Variants in MASP1 observed in about 807,000 individuals in gnomAD.
MASP1 encodes MBL associated serine protease 1.
A neutral mutation model predicts 77.1 loss-of-function variants in MASP1; 59 were observed. The ratio of observed to expected loss-of-function variants is 0.77; its 90% CI spans 0.62 to 0.95. MASP1 has a LOEUF of 0.95. MASP1 is among the 40% of genes least tolerant of loss of function. The pLI is 0.00. For missense variants in MASP1, 885 were observed against 912.9 expected (o/e 0.97, Z 0.39); for synonymous variants, 362 against 354.5 (o/e 1.02, Z -0.24).
At chr3:187,251,526 T>G (rs1309237822) in intron 7 of MASP1, 108 bp downstream of exon 7, 1 of 885,094 alleles carries the variant, frequency 1.1e-6, no homozygotes, top group Non-Finnish European at 1.9e-6. Flanking sequence ...TAGGAAATTC[T>G]GTGCTGGAAC....
At chr3:187,256,550 A>G (rs893205930) in intron 5 of MASP1, 114 bp downstream of exon 5, 26 of 934,082 alleles carry the variant, frequency 2.8e-5, no homozygotes, top group Non-Finnish European at 4.3e-5. Flanking sequence ...TTGAGGAACT[A>G]GCTGCTAGGC....
At chr3:187,232,714 GTACCTCAGTACCTCAA>G (rs1451266290), downstream of MASP1, among the ~76,000 whole-genome samples, 7 of 152,044 alleles carry the variant, frequency 4.6e-5, no homozygotes, top group Admixed American at 1.3e-4. Context: ...CACAACCTCA[GTACCTCAGTACCTCAA>G]TACCTCAGTA....
intron 2 of MASP1, among the ~76,000 whole-genome samples, chr3:187,270,184 G>C (rs72549280): frequency 4.2e-3 from 637 of 152,278 alleles, no homozygotes; most frequent in Non-Finnish European, 6.2e-3. Context: ...CCAAATTTAG[G>C]CCTCAAGGGA....
intron 2 of MASP1, among the ~76,000 whole-genome samples, chr3:187,267,882 T>G (rs1716173230): frequency 7.0e-6 from 1 of 143,858 alleles, no homozygotes. Context: ...CATTTCCAAC[T>G]TTTACTTGCC....
chr3:187,285,596 T>G lies in MASP1; in HGVS notation c.237+229A>C, dbSNP rs138267444. On this transcript the variant is annotated intron_variant, in intron 2 of 10. Transcript: ENST00000296280. ...GAGAACAGGAAGAAAGAAGGGATGT[T>G]GTGTTGGGCTGAGTCATACTCTATC... 3.9e-4 allele frequency among the ~76,000 whole-genome samples: 59 copies of G among 152,152 alleles called. No individual in the cohort carries two copies. In the Middle Eastern group the frequency reaches 0.01, roughly 26 times the overall value.
At chr3:187,269,312 G>A (rs1218859919) in intron 2 of MASP1, among the ~76,000 whole-genome samples, 1 of 152,124 alleles carries the variant, frequency 6.6e-6, no homozygotes, top group Non-Finnish European at 1.5e-5. Context: ...ATCTAGTGGA[G>A]TGAACTATAT....
At chr3:187,232,739 T>A (rs888401112), downstream of MASP1, among the ~76,000 whole-genome samples, 1 of 152,130 alleles carries the variant, frequency 6.6e-6, no homozygotes, top group African/African-American at 2.4e-5. Flanking sequence ...AATACCTCAG[T>A]ACCTCAATAT....
At chr3:187,232,499 C>T (rs754282891), downstream of MASP1, among the ~76,000 whole-genome samples, 1 of 152,146 alleles carries the variant, frequency 6.6e-6, no homozygotes. Context: ...AATCCAAGCC[C>T]AAGTATCCAC....
chr3:187,219,916 A>G, exon 16 of MASP1: 1 of 742,132 alleles, frequency 1.3e-6, no homozygotes, highest in Non-Finnish European at 2.3e-6. Flanking sequence ...AGAGAGTGAA[A>G]AGGGGGTGAA....
chr3:187,240,798 A>AT (rs926723176), intron 10 of MASP1, among the ~76,000 whole-genome samples: 21 of 151,242 alleles, frequency 1.4e-4, no homozygotes, highest in South Asian at 4.2e-4. Context: ...CGACTGGCTA[A>AT]TTTTTTTTTC....
intron 2 of MASP1, among the ~76,000 whole-genome samples, chr3:187,264,564 A>G (rs1255390019): frequency 6.6e-6 from 1 of 152,208 alleles, no homozygotes; most frequent in Non-Finnish European, 1.5e-5. Flanking sequence ...ATTGTTATGA[A>G]TGTCAACCAT....
chr3:187,245,959 T>A (rs1714043568), intron 8 of MASP1, among the ~76,000 whole-genome samples: 1 of 152,208 alleles, frequency 6.6e-6, no homozygotes, highest in African/African-American at 2.4e-5. Flanking sequence ...ACCCTGGCAC[T>A]CAGGCCTGGG....
At chr3:187,240,114 C>T (rs1437473908) in intron 10 of MASP1, among the ~76,000 whole-genome samples, 1 of 151,906 alleles carries the variant, frequency 6.6e-6, no homozygotes, top group African/African-American at 2.4e-5. Context: ...ATTGTGAGGC[C>T]CCTCCAGCCA....
chr3:187,227,907 C>T (rs112844517), intron 11 of MASP1, among the ~76,000 whole-genome samples: 17 of 152,150 alleles, frequency 1.1e-4, no homozygotes, highest in Non-Finnish European at 2.9e-5. Flanking sequence ...GTGCTTTCCC[C>T]TTCCTCTGTC....
chr3:187,234,089 T>C lies in MASP1; in HGVS notation c.*1595A>G. ...AAACCCATAAGCCAAGGCTGTTGGTTATCCACGAGGGTTTATTTCCACTTG... is the reference window on the plus strand; with the variant it reads ...AAACCCATAAGCCAAGGCTGTTGGTCATCCACGAGGGTTTATTTCCACTTG... On this transcript the variant is annotated 3_prime_UTR_variant, in exon 11 of 11. Transcript: ENST00000296280. 1.6e-6 allele frequency: 2 copies of C among 1,269,128 alleles called. No homozygotes were observed. The highest frequency in any genetic ancestry group is 2.0e-6 in the Non-Finnish European group (2 of 978,066). 78.6% of individuals were successfully genotyped at this position (1,269,128 alleles called of 1,614,324 possible).
intron 2 of MASP1, among the ~76,000 whole-genome samples, chr3:187,274,132 C>T (rs1270403653): frequency 6.6e-6 from 1 of 151,746 alleles, no homozygotes; most frequent in Non-Finnish European, 1.5e-5. Flanking sequence ...CGCTTGAACC[C>T]GGGAGGTAGA....
chr3:187,219,943 C>T, exon 16 of MASP1: 1 of 910,658 alleles, frequency 1.1e-6, no homozygotes, highest in African/African-American at 1.6e-5. Flanking sequence ...TGCTCTATTG[C>T]CCAGTAATGG....
At chr3:187,265,681 G>T (rs1015031989) in intron 2 of MASP1, among the ~76,000 whole-genome samples, 7 of 152,204 alleles carry the variant, frequency 4.6e-5, no homozygotes, top group African/African-American at 1.7e-4. Context: ...GAGAGGGGAA[G>T]TGACTTGCTC....
At chr3:187,266,393 G>A (rs1158732953) in intron 2 of MASP1, among the ~76,000 whole-genome samples, 1 of 152,168 alleles carries the variant, frequency 6.6e-6, no homozygotes, top group Non-Finnish European at 1.5e-5. Flanking sequence ...GTACTCAAAG[G>A]TATATGTGTT....
Sources: allele counts gnomAD v4.1 joint callset (sites outside exome capture counted in the v4.1 genomes callset), GRCh38; gene constraint gnomAD v4.1.1; transcripts MANE v1.5; gene names NCBI Gene and HGNC (gene_info 2026-07-23, HGNC 2026-07-21).